PTPRK: variants seen among roughly 807,000 people sequenced by gnomAD.
PTPRK encodes protein tyrosine phosphatase receptor type K.
Under a neutral mutation model 178.0 loss-of-function variants are expected in PTPRK, and 75 were observed. The observed-to-expected ratio is 0.42, with a 90% CI of 0.35 to 0.51. The LOEUF (loss-of-function observed/expected upper bound fraction) is 0.51. Ranked by LOEUF, PTPRK falls within the 20% of genes least tolerant of loss-of-function variation. The pLI, the probability that PTPRK is intolerant of heterozygous loss-of-function variation, is 0.02. For missense variants in PTPRK, 1,441 were observed against 1,797.8 expected (o/e 0.80, Z 3.59); for synonymous variants, 637 against 620.6 (o/e 1.03, Z -0.39).
chr6:128,268,704 G>A (rs1293254175), intron 3 of PTPRK, among the ~76,000 whole-genome samples: 1 of 151,934 alleles, frequency 6.6e-6, no homozygotes, highest in Non-Finnish European at 1.5e-5. Context: ...TAAAATTACT[G>A]TACAGTCACC....
At chr6:128,235,987 A>G (rs1000594866) in intron 5 of PTPRK, among the ~76,000 whole-genome samples, 1 of 152,104 alleles carries the variant, frequency 6.6e-6, no homozygotes. Flanking sequence ...TAATTGCTCT[A>G]TTTTATTATT....
chr6:128,473,895 A>C (rs547299407), intron 1 of PTPRK, among the ~76,000 whole-genome samples: 153 of 152,228 alleles, frequency 1.0e-3, no homozygotes, highest in Non-Finnish European at 1.8e-3. Context: ...AGTAGAAAAC[A>C]AACATTAAAG....
At chr6:128,303,698 G>T (rs913903396) in intron 3 of PTPRK, among the ~76,000 whole-genome samples, 2 of 152,128 alleles carry the variant, frequency 1.3e-5, no homozygotes, top group African/African-American at 4.8e-5. Flanking sequence ...ACTTGTTAAA[G>T]CTGTGGAATG....
chr6:128,515,937 T>C (rs1857942950), intron 1 of PTPRK, among the ~76,000 whole-genome samples: 1 of 115,662 alleles, frequency 8.6e-6, no homozygotes, highest in African/African-American at 3.4e-5. Flanking sequence ...GCCAACACAC[T>C]TTTTCTATAT....
chr6:128,079,210 C>T (rs1403978595), intron 10 of PTPRK, among the ~76,000 whole-genome samples: 3 of 151,908 alleles, frequency 2.0e-5, no homozygotes, highest in African/African-American at 7.2e-5. Flanking sequence ...CTGAGACCTT[C>T]AAGTGAGTAA....
chr6:128,385,839 C>G (rs1453710450), intron 2 of PTPRK, among the ~76,000 whole-genome samples: 1 of 152,178 alleles, frequency 6.6e-6, no homozygotes, highest in South Asian at 2.1e-4. Flanking sequence ...AGCTTCAGAG[C>G]TGATATCACC....
intron 1 of PTPRK, among the ~76,000 whole-genome samples, chr6:128,416,819 A>T (rs1263333036): frequency 6.6e-6 from 1 of 151,840 alleles, no homozygotes; most frequent in African/African-American, 2.4e-5. Flanking sequence ...ATCCACAGAG[A>T]CAAAAACAAA....
chr6:128,102,437 C>T (rs1057191654), intron 7 of PTPRK, among the ~76,000 whole-genome samples: 2 of 152,090 alleles, frequency 1.3e-5, no homozygotes, highest in Admixed American at 6.5e-5. Context: ...AAAAATAGGG[C>T]GTGTCCCCAC....
intron 3 of PTPRK, among the ~76,000 whole-genome samples, chr6:128,301,115 C>A (rs1825538103): frequency 6.6e-6 from 1 of 152,148 alleles, no homozygotes; most frequent in Non-Finnish European, 1.5e-5. Context: ...GAAGAAGACA[C>A]TTGAAAAATA....
intron 2 of PTPRK, among the ~76,000 whole-genome samples, chr6:128,379,671 G>C (rs1450356193): frequency 6.6e-6 from 1 of 152,174 alleles, no homozygotes; most frequent in East Asian, 1.9e-4. Context: ...TTGAAGAAAA[G>C]GAACAATTTT....
At chr6:128,239,989 A>G in intron 5 of PTPRK, 46 bp downstream of exon 5, 1 of 1,454,570 alleles carries the variant, frequency 6.9e-7, no homozygotes, top group South Asian at 1.2e-5. Context: ...CAATGTTTTT[A>G]AAACATAAAG....
intron 1 of PTPRK, among the ~76,000 whole-genome samples, chr6:128,456,494 C>T (rs1848414371): frequency 1.3e-5 from 2 of 151,888 alleles, no homozygotes; most frequent in South Asian, 4.1e-4. Context: ...ACTAGATACT[C>T]TTTAATGCAG....
intron 3 of PTPRK, among the ~76,000 whole-genome samples, chr6:128,273,105 T>C (rs559740094): frequency 2.6e-4 from 39 of 151,884 alleles, no homozygotes; most frequent in African/African-American, 7.2e-4. Flanking sequence ...ATCGCAAGGA[T>C]AGAAAACCAA....
chr6:127,991,244 C>T, intron 20 of PTPRK, 50 bp downstream of exon 20: 2 of 1,415,808 alleles, frequency 1.4e-6, no homozygotes, highest in Non-Finnish European at 1.9e-6. Flanking sequence ...CATGTTGCTT[C>T]TCAACTATGT....
At chr6:128,268,077 A>ATTCTGT (rs1819231607) in intron 3 of PTPRK, among the ~76,000 whole-genome samples, 1 of 152,050 alleles carries the variant, frequency 6.6e-6, no homozygotes, top group Non-Finnish European at 1.5e-5. Flanking sequence ...GACTAACAGA[A>ATTCTGT]TAGGGAGGAA....
intron 7 of PTPRK, among the ~76,000 whole-genome samples, chr6:128,092,456 TA>T (rs1295702611): frequency 6.6e-6 from 1 of 152,174 alleles, no homozygotes; most frequent in Non-Finnish European, 1.5e-5. Context: ...ATTTTTTTCT[TA>T]ATTGGCATGC....
rs11299646 is a variant in PTPRK at position 128,472,420 on chromosome 6, A to ACCC, written c.100+47836_100+47838dup. On this transcript the variant is annotated intron_variant, in intron 1 of 29. Coordinates refer to ENST00000368226, the MANE Select transcript of PTPRK (RefSeq NM_002844.4). ...TTAGGGAACTCCCTGAATTTTTGAC[A>ACCC]CCCCCCCCCCCTTTAGCTTAGGGAA... Among the ~76,000 whole-genome samples, 44 of 117,756 alleles carry ACCC rather than the reference A, an allele frequency of 3.7e-4. No homozygotes were observed. The East Asian group carries it at 4.2e-3, about 11-fold the overall frequency. 77.3% of individuals were successfully genotyped at this position (117,756 alleles called of 152,430 possible). A position where few individuals can be genotyped will look rare whatever the true frequency, so the allele number is the denominator to read the frequency against.
chr6:128,258,588 A>C (rs1359351984), intron 3 of PTPRK, among the ~76,000 whole-genome samples: 1 of 152,206 alleles, frequency 6.6e-6, no homozygotes, highest in Non-Finnish European at 1.5e-5. Context: ...AGAGATGAAA[A>C]ACATAAAACA....
intron 2 of PTPRK, among the ~76,000 whole-genome samples, chr6:128,325,799 C>T (rs1440169657): frequency 6.6e-6 from 1 of 152,138 alleles, no homozygotes; most frequent in African/African-American, 2.4e-5. Flanking sequence ...TACCATTTGA[C>T]GTGTCAATCC....
Sources: allele counts gnomAD v4.1 joint callset (sites outside exome capture counted in the v4.1 genomes callset), GRCh38; gene constraint gnomAD v4.1.1; transcripts MANE v1.5; gene names NCBI Gene and HGNC (gene_info 2026-07-23, HGNC 2026-07-21).